ODF1: variants seen among roughly 807,000 people sequenced by gnomAD.
The protein encoded by ODF1 is outer dense fiber of sperm tails 1.
In ODF1, 10 loss-of-function variants were observed where a neutral mutation model predicts 24.0. The ratio of observed to expected loss-of-function variants is 0.42; its 90% CI spans 0.26 to 0.71. The LOEUF (loss-of-function observed/expected upper bound fraction) is 0.71, where lower values mean the gene tolerates loss of function less well. Ranked by LOEUF, ODF1 falls within the 30% of genes least tolerant of loss-of-function variation. The pLI is 0.28. For missense variants in ODF1, 282 were observed against 307.9 expected (o/e 0.92, Z 0.63); for synonymous variants, 118 against 121.3 (o/e 0.97, Z 0.18).
intron 1 of ODF1, among the ~76,000 whole-genome samples, chr8:102,554,023 C>A (rs1222951041): frequency 1.0e-5 from 1 of 96,104 alleles, no homozygotes; most frequent in African/African-American, 4.4e-5. Context: ...ATTCACACCA[C>A]CTTGTGAAAT....
intron 1 of ODF1, among the ~76,000 whole-genome samples, chr8:102,553,147 G>A (rs1826066982): frequency 6.7e-6 from 1 of 149,298 alleles, no homozygotes; most frequent in Admixed American, 6.8e-5. Context: ...CAGATCACCT[G>A]AGCTCAAGAG....
At chr8:102,555,677 G>T (rs571951363) in intron 1 of ODF1, among the ~76,000 whole-genome samples, 47 of 152,302 alleles carry the variant, frequency 3.1e-4, no homozygotes, top group African/African-American at 1.1e-3. Context: ...GCCTTGCCCA[G>T]GTCTAAGCCC....
chr8:102,560,808 C>CCT lies in ODF1; in HGVS notation c.677_678insCT (p.Ser228AlafsTer22), dbSNP rs1826174210. 1.2e-6 allele frequency: 1 copy of CCT among 854,824 alleles called. No homozygotes were observed. Among genetic ancestry groups the CCT allele is most frequent in the African/African-American group, 4.0e-5 (1 of 25,024 alleles). The allele number at this position is 854,824 out of a possible 1,614,324, so 53.0% of individuals were successfully genotyped here. A position where few individuals can be genotyped will look rare whatever the true frequency, so the allele number is the denominator to read the frequency against. On this transcript the variant is annotated frameshift_variant, in exon 2 of 2. Transcript: ENST00000285402. LOFTEE classifies it high-confidence loss of function. ...TGCAACCCCTGCAGCCCCTGCAACC[C>CCT]GTGCAGCCCATATGATCCTTGCAAC...
rs1826041393 is a variant in ODF1 at position 102,551,664 on chromosome 8, A to G, written c.-64A>G. 5.7e-6 allele frequency: 8 copies of G among 1,408,830 alleles called. No homozygotes were observed. Among genetic ancestry groups the G allele is most frequent in the South Asian group, 5.5e-5 (4 of 72,326 alleles). The allele number at this position is 1,408,830 out of a possible 1,614,324, so 87.3% of individuals were successfully genotyped here. A position where few individuals can be genotyped will look rare whatever the true frequency, so the allele number is the denominator to read the frequency against. ...AAAGCAACTTCTGAGAAGGGCTTAGAACAAATTTTTTCCCGGAGTGCCATT... is the reference window on the plus strand; with the variant it reads ...AAAGCAACTTCTGAGAAGGGCTTAGGACAAATTTTTTCCCGGAGTGCCATT... On this transcript the variant is annotated 5_prime_UTR_variant, in exon 1 of 2. Coordinates refer to ENST00000285402, the MANE Select transcript of ODF1 (RefSeq NM_024410.4).
intron 1 of ODF1, among the ~76,000 whole-genome samples, chr8:102,555,396 T>G (rs1826100466): frequency 6.6e-6 from 1 of 152,206 alleles, no homozygotes; most frequent in Non-Finnish European, 1.5e-5. Flanking sequence ...AACCTTGATT[T>G]ACAGCTGTAC....
intron 1 of ODF1, among the ~76,000 whole-genome samples, chr8:102,553,379 A>G (rs2131028643): frequency 6.6e-6 from 1 of 150,642 alleles, no homozygotes; most frequent in East Asian, 1.9e-4. Context: ...TGTCTCAAAA[A>G]AAAAAAAAAA....
rs71574062 is a variant in ODF1, at chr8:102,552,977, CAGATAGAT to C, written c.320+963_320+970del. ...TGCAGAAAAACTGATAGACAGATGA[CAGATAGAT>C]AGATAGATAGATAGATAGATAGATA... On this transcript the variant is annotated intron_variant, in intron 1 of 1. Transcript: ENST00000285402. Among the ~76,000 whole-genome samples, 222 of 136,086 alleles carry C rather than the reference CAGATAGAT, an allele frequency of 1.6e-3. 1 individual carries two copies. In the East Asian group the frequency reaches 0.042, roughly 26 times the overall value. 89.3% of individuals were successfully genotyped at this position (136,086 alleles called of 152,430 possible). A position where few individuals can be genotyped will look rare whatever the true frequency, so the allele number is the denominator to read the frequency against.
intron 1 of ODF1, among the ~76,000 whole-genome samples, chr8:102,553,604 ATC>A (rs1175585230): frequency 6.6e-6 from 1 of 152,156 alleles, no homozygotes; most frequent in African/African-American, 2.4e-5. Context: ...TTGTGAGCAG[ATC>A]AGTATCCACT....
chr8:102,552,719 G>GT (rs1321843431), intron 1 of ODF1, among the ~76,000 whole-genome samples: 1 of 152,058 alleles, frequency 6.6e-6, no homozygotes, highest in Non-Finnish European at 1.5e-5. Flanking sequence ...AAAAGAGTCA[G>GT]TTTTTTAAAA....
intron 1 of ODF1, among the ~76,000 whole-genome samples, chr8:102,558,906 A>G (rs1356578434): frequency 6.6e-6 from 1 of 151,608 alleles, no homozygotes; most frequent in Non-Finnish European, 1.5e-5. Context: ...TGTATAACTT[A>G]TGTAACAAAA....
intron 1 of ODF1, 60 bp downstream of exon 1, chr8:102,552,107 AGG>A: frequency 8.1e-7 from 1 of 1,231,776 alleles, no homozygotes. Flanking sequence ...AGTTGGAATA[AGG>A]AAAAATATGT....
At position 102,560,462 on chromosome 8, in the gene ODF1, A is replaced by G. The variant is rs1054709850; in HGVS notation, c.331A>G (p.Thr111Ala). The G allele has an allele frequency of 1.9e-6, 3 of 1,613,812 alleles. No homozygotes were observed. The highest frequency in any genetic ancestry group is 2.7e-5 in the African/African-American group (2 of 74,946). ...EKRELAKLRRTTNRILASSCC... is the reference protein window; with the variant it reads ...EKRELAKLRRATNRILASSCC... ...TTTTCTCAATTCCAGACTGAGAAGA[A>G]CAACAAATAGAATTCTGGCTTCCTC... The change falls in exon 2 of 2, where the codon ACA becomes GCA. Residue 111 changes from threonine (T) to alanine (A), a missense_variant. By Grantham distance (58) the Thr-to-Ala change is moderately conservative (BLOSUM62 0). Transcript: ENST00000285402.
intron 1 of ODF1, among the ~76,000 whole-genome samples, chr8:102,558,768 A>T (rs1325991681): frequency 6.8e-6 from 1 of 147,428 alleles, no homozygotes; most frequent in African/African-American, 2.7e-5. Flanking sequence ...ACACACACAG[A>T]CACATACTCA....
chr8:102,559,623 C>T (rs944411015), intron 1 of ODF1, among the ~76,000 whole-genome samples: 21 of 151,688 alleles, frequency 1.4e-4, no homozygotes, highest in African/African-American at 5.1e-4. Flanking sequence ...CGGCCCCACC[C>T]AGCTGACTGC....
chr8:102,559,304 G>A (rs1264484843), intron 1 of ODF1, among the ~76,000 whole-genome samples: 1 of 151,420 alleles, frequency 6.6e-6, no homozygotes, highest in East Asian at 1.9e-4. Flanking sequence ...CCTCTTGACG[G>A]ATCATAACTG....
At chr8:102,552,166 C>A in intron 1 of ODF1, 119 bp downstream of exon 1, 2 of 676,634 alleles carry the variant, frequency 3.0e-6, no homozygotes, top group Non-Finnish European at 4.7e-6. Context: ...GGATAATGAC[C>A]CTGGTGACTT....
chr8:102,560,948 G>A lies in ODF1; in HGVS notation c.*64G>A. On this transcript the variant is annotated 3_prime_UTR_variant, in exon 2 of 2. Transcript: ENST00000285402. ...ACTCCAGCCAGGCAGCTCTCCCAATGTTTCTCCTCTCCTTCCCATGGCCCC... is the reference window on the plus strand; with the variant it reads ...ACTCCAGCCAGGCAGCTCTCCCAATATTTCTCCTCTCCTTCCCATGGCCCC... 1.4e-6 allele frequency: 2 copies of A among 1,425,530 alleles called. No homozygotes were observed. Among genetic ancestry groups the A allele is most frequent in the Non-Finnish European group, 1.9e-6 (2 of 1,045,344 alleles). The allele number at this position is 1,425,530 out of a possible 1,614,324, so 88.3% of individuals were successfully genotyped here.
chr8:102,553,134 G>A (rs535898130), intron 1 of ODF1, among the ~76,000 whole-genome samples: 52 of 151,522 alleles, frequency 3.4e-4, no homozygotes, highest in Middle Eastern at 3.4e-3. Context: ...AGGCGGAGGC[G>A]GGCAGATCAC....
intron 1 of ODF1, among the ~76,000 whole-genome samples, chr8:102,558,051 A>C (rs1418312089): frequency 6.6e-6 from 1 of 152,192 alleles, no homozygotes; most frequent in Non-Finnish European, 1.5e-5. Context: ...AACAGTTCAA[A>C]ATTCTCCTAC....
Sources: allele counts gnomAD v4.1 joint callset (sites outside exome capture counted in the v4.1 genomes callset), GRCh38; gene constraint gnomAD v4.1.1; transcripts MANE v1.5; gene names NCBI Gene and HGNC (gene_info 2026-07-23, HGNC 2026-07-21).